PWWP2A: variants seen among roughly 807,000 people sequenced by gnomAD.
PWWP2A encodes PWWP domain-containing protein 2A.
PWWP2A carries 18 observed loss-of-function variants against 48.5 expected under a neutral mutation model. That is an observed-to-expected ratio of 0.37 (90% CI 0.26 to 0.55). PWWP2A has a LOEUF of 0.55. Ranked by LOEUF, PWWP2A falls within the 20% of genes least tolerant of loss-of-function variation. The pLI is 0.81. For synonymous variants in PWWP2A, 396 were observed against 387.7 expected, an observed-to-expected ratio of 1.02 and a Z score of -0.25; for missense variants, 867 against 976.4, an observed-to-expected ratio of 0.89 and a Z score of 1.49.
rs938829500 is a variant in PWWP2A at position 160,108,698 on chromosome 5, G to A, written c.584+10107C>T. ...TCTACAAATTGCTTTCAAGAACTTA[G>A]TGAAAACTGAAGTTTCCTAAGGAAA... On this transcript the variant is annotated intron_variant, in intron 1 of 1. Coordinates refer to ENST00000307063, the MANE Select transcript of PWWP2A (RefSeq NM_001130864.2). The A allele has an allele frequency of 2.2e-5, 15 of 686,484 alleles. No individual in the cohort carries two copies. In the African/African-American group the frequency reaches 2.8e-4, roughly 13 times the overall value. The allele number at this position is 686,484 out of a possible 1,614,324, so 42.5% of individuals were successfully genotyped here. A position where few individuals can be genotyped will look rare whatever the true frequency, so the allele number is the denominator to read the frequency against.
At chr5:160,072,434 G>T (rs1469287703), downstream of PWWP2A, among the ~76,000 whole-genome samples, 2 of 152,202 alleles carry the variant, frequency 1.3e-5, no homozygotes, top group East Asian at 3.8e-4. Context: ...ACCCTTCAAG[G>T]GGCAGTTTAT....
downstream of PWWP2A, among the ~76,000 whole-genome samples, chr5:160,071,306 T>C (rs749339532): frequency 6.6e-6 from 1 of 152,154 alleles, no homozygotes; most frequent in East Asian, 1.9e-4. Context: ...AGAATCTAAG[T>C]TGGTGCAGGA....
At chr5:160,062,269 T>C (rs978010939) in intron 5 of PWWP2A, among the ~76,000 whole-genome samples, 12 of 152,222 alleles carry the variant, frequency 7.9e-5, no homozygotes, top group African/African-American at 2.7e-4. Context: ...TAGCTTGGAA[T>C]GGTCTTTCTG....
chr5:160,084,939 G>A (rs1754511409), intron 2 of PWWP2A, among the ~76,000 whole-genome samples: 1 of 150,988 alleles, frequency 6.6e-6, no homozygotes, highest in Admixed American at 6.6e-5. Context: ...TCTAAATGAG[G>A]GACACTGAAG....
the PWWP2A span, among the ~76,000 whole-genome samples, chr5:160,045,554 C>CTCTCTCTCTCTCTCT: frequency 5.2e-5 from 6 of 116,042 alleles, no homozygotes; most frequent in African/African-American, 1.9e-4. Flanking sequence ...TCTCTCTCTC[C>CTCTCTCTCTCTCTCT]CCCTCCCCTC....
Position 160,070,115 on chromosome 5 carries a change from T to G in PWWP2A, c.*80-3244A>C, listed in dbSNP as rs368207003. Among the ~76,000 whole-genome samples the G allele has an allele frequency of 3.3e-5, 5 of 152,204 alleles. No homozygotes were observed. The South Asian group carries it at 1.0e-3, about 31-fold the overall frequency. Reference sequence around the variant, plus strand: ...TAGAGTGCACTGTGGATTCATTCTTTCATTTTACTCATGGATCCATGCTGT... The same window carrying G: ...TAGAGTGCACTGTGGATTCATTCTTGCATTTTACTCATGGATCCATGCTGT... On this transcript the variant is annotated intron_variant and NMD_transcript_variant, in intron 2 of 5. Coordinates refer to the PWWP2A transcript ENST00000524050.
chr5:160,066,296 A>ATTTT (rs59262456), intron 4 of PWWP2A, among the ~76,000 whole-genome samples: 10 of 94,756 alleles, frequency 1.1e-4, no homozygotes, highest in East Asian at 3.1e-4. Flanking sequence ...AGTGGTTCTC[A>ATTTT]TTTTTTTTTT....
Position 160,080,800 on chromosome 5 carries a change from A to C in PWWP2A, c.1550-30T>G. 3 of 1,487,544 alleles carry C rather than the reference A, an allele frequency of 2.0e-6. No individual in the cohort carries two copies. In the South Asian group the frequency reaches 4.0e-5, roughly 20 times the overall value. 92.1% of individuals were successfully genotyped at this position (1,487,544 alleles called of 1,614,324 possible). The stretch of plus-strand genomic sequence containing the variant: ...GGTAGAAAAAACCAAGTTAACAAAA[A>C]TAAAGCATTCGAGTTTTTTAATCCA... On this transcript the variant is annotated intron_variant, in intron 2 of 3. Transcript: ENST00000456329.
At chr5:160,116,066 C>CCA (rs752701687) in intron 1 of PWWP2A, among the ~76,000 whole-genome samples, 1 of 151,922 alleles carries the variant, frequency 6.6e-6, no homozygotes, top group Non-Finnish European at 1.5e-5. Flanking sequence ...CTCAACATTT[C>CCA]CACAATTTTT....
intron 1 of PWWP2A, among the ~76,000 whole-genome samples, chr5:160,100,124 A>C (rs915567576): frequency 2.2e-4 from 33 of 149,632 alleles, no homozygotes; most frequent in Non-Finnish European, 3.0e-4. Context: ...AACATGGTGA[A>C]ACCCCATCTC....
At chr5:160,090,966 AAAAGCAG>A, downstream of PWWP2A, 1 of 985,298 alleles carries the variant, frequency 1.0e-6, no homozygotes, top group South Asian at 4.7e-5. Context: ...TACTAGCCCC[AAAAGCAG>A]TGATACATGA....
chr5:160,108,722 A>T, intron 1 of PWWP2A: 1 of 488,550 alleles, frequency 2.0e-6, no homozygotes. Flanking sequence ...TTCCTAAGGA[A>T]ATCATCAATT....
At chr5:160,060,681 G>A (rs528571235), downstream of PWWP2A, among the ~76,000 whole-genome samples, 2 of 152,298 alleles carry the variant, frequency 1.3e-5, no homozygotes, top group East Asian at 1.9e-4. Flanking sequence ...CACCCAACCT[G>A]ACTCTAAACA....
intron 4 of PWWP2A, among the ~76,000 whole-genome samples, chr5:160,066,296 A>ATGTTTTTTTTTTT (rs1753605981): frequency 1.1e-5 from 1 of 94,756 alleles, no homozygotes; most frequent in Non-Finnish European, 2.0e-5. Flanking sequence ...AGTGGTTCTC[A>ATGTTTTTTTTTTT]TTTTTTTTTT....
rs771710836 is a variant in PWWP2A at position 160,093,852 on chromosome 5, G to A, written c.798C>T (p.Phe266=). The change falls in exon 2 of 2, where the codon TTC becomes TTT. Residue 266 remains phenylalanine (F), a synonymous_variant. Transcript: ENST00000307063. This position sits in a 1 kb window ranked among gnomAD's most constrained non-coding sequence, Gnocchi z 5.8. ...SLWTSKPPPL[F]HEGAPYPPPL... ...GGGGAGGATAAGGTGCTCCTTCATGGAAGAGAGGTGGTGGTTTGGAAGTCC... is the reference window on the plus strand; with the variant it reads ...GGGGAGGATAAGGTGCTCCTTCATGAAAGAGAGGTGGTGGTTTGGAAGTCC... The A allele has an allele frequency of 3.7e-6, 6 of 1,614,072 alleles. No individual in the cohort carries two copies. The highest frequency in any genetic ancestry group is 5.1e-6 in the Non-Finnish European group (6 of 1,179,902).
intron 4 of PWWP2A, chr5:160,066,491 T>A (rs1476442545): frequency 4.0e-5 from 6 of 151,516 alleles, no homozygotes. Flanking sequence ...AGAGACAGAG[T>A]TTCACCATGT....
intron 1 of PWWP2A, among the ~76,000 whole-genome samples, chr5:160,109,774 A>AAATATATAT (rs1554104831): frequency 4.0e-5 from 1 of 25,224 alleles, no homozygotes; most frequent in Non-Finnish European, 7.1e-5. Context: ...AAAAAAAAAA[A>AAATATATAT]ATATATATAT....
downstream of PWWP2A, among the ~76,000 whole-genome samples, chr5:160,060,364 A>G (rs1324713242): frequency 6.6e-6 from 1 of 152,252 alleles, no homozygotes; most frequent in Non-Finnish European, 1.5e-5. Context: ...ATATTTATCA[A>G]CTGAACCCAG....
At chr5:160,100,570 C>G (rs1204687543) in intron 1 of PWWP2A, among the ~76,000 whole-genome samples, 1 of 152,186 alleles carries the variant, frequency 6.6e-6, no homozygotes, top group Non-Finnish European at 1.5e-5. Context: ...AGTTCACGAC[C>G]AGCCTGGTCA....
Sources: gnomAD v4.1 joint callset for allele counts (sites outside exome capture counted in the v4.1 genomes callset) on GRCh38, gnomAD v4.1.1 for gene constraint, Gnocchi (gnomAD v3.1) non-coding constraint, MANE v1.5 for transcripts, NCBI Gene and HGNC (gene_info 2026-07-23, HGNC 2026-07-21) for gene names.